CAND1: variants seen among roughly 807,000 people sequenced by gnomAD.
The protein encoded by CAND1 is cullin-associated NEDD8-dissociated protein 1.
CAND1 carries 7 observed loss-of-function variants against 108.5 expected under a neutral mutation model. That is an observed-to-expected ratio of 0.06 (90% confidence interval 0.04 to 0.12). The LOEUF is 0.12. Ranked by LOEUF, CAND1 falls within the 10% of genes least tolerant of loss-of-function variation. The pLI is 1.00. For synonymous variants in CAND1, 534 were observed against 512.0 expected, an observed-to-expected ratio of 1.04 and a Z score of -0.58; for missense variants, 941 against 1,448.7, an observed-to-expected ratio of 0.65 and a Z score of 5.69.
Position 67,307,472 on chromosome 12 carries a change from C to T in CAND1, c.3005C>T (p.Pro1002Leu). The T allele has an allele frequency of 6.2e-7, 1 of 1,608,386 alleles. No individual in the cohort carries two copies. The highest frequency in any genetic ancestry group is 8.5e-7 in the Non-Finnish European group (1 of 1,176,434). ...TISDHPQPID[P>L]LLKNCIGDFL... ...TCTGACCATCCACAACCTATTGATC[C>T]ACTGTTAAAGAACTGCATAGGTAAG... Residue 1002 changes from proline to leucine, a missense_variant, in exon 11 of 15, where the codon CCA becomes CTA. Transcript: ENST00000545606.
At chr12:67,279,236 A>G (rs1290092146) in intron 1 of CAND1, among the ~76,000 whole-genome samples, 2 of 151,772 alleles carry the variant, frequency 1.3e-5, no homozygotes, top group African/African-American at 4.8e-5. Context: ...ACCCCTGTTC[A>G]TCCTTTGAGA....
chr12:67,275,234 A>G (rs2044557701), intron 1 of CAND1, among the ~76,000 whole-genome samples: 1 of 152,108 alleles, frequency 6.6e-6, no homozygotes, highest in African/African-American at 2.4e-5. Flanking sequence ...TATTAAGACT[A>G]TTCCAATTTA....
Position 67,314,789 on chromosome 12 carries a change from T to C in CAND1, c.*1959T>C, listed in dbSNP as rs2044991752. The C allele has an allele frequency of 6.6e-6, 1 of 152,242 alleles. No homozygotes were observed. Among genetic ancestry groups the C allele is most frequent in the South Asian group, 2.1e-4 (1 of 4,836 alleles). The allele number at this position is 152,242 out of a possible 1,614,324, so 9.4% of individuals were successfully genotyped here. A position where few individuals can be genotyped will look rare whatever the true frequency, so the allele number is the denominator to read the frequency against. On this transcript the variant is annotated 3_prime_UTR_variant, in exon 15 of 15. Transcript: ENST00000545606. ...TTAAGCCAATTCATTTTTCTAACAG[T>C]TGAAATTCTTTTAGTACTAAAGAAA...
At chr12:67,312,494 C>T (rs1313213726) in intron 14 of CAND1, 112 bp from the exon 15 acceptor site, 1 of 576,180 alleles carries the variant, frequency 1.7e-6, no homozygotes, top group African/African-American at 1.9e-5. Flanking sequence ...ATGTAATATG[C>T]CTTATGGACC....
chr12:67,294,012 G>C (rs1658780), intron 3 of CAND1, among the ~76,000 whole-genome samples: 113,232 of 152,068 alleles, frequency 0.74, 43,105 homozygotes, highest in African/African-American at 0.9. Flanking sequence ...TCTTTTAATC[G>C]AAAAAGGATG....
At chr12:67,296,105 C>G (rs1465820662) in intron 4 of CAND1, among the ~76,000 whole-genome samples, 1 of 151,880 alleles carries the variant, frequency 6.6e-6, no homozygotes, top group Non-Finnish European at 1.5e-5. Flanking sequence ...AGTAGGAAAT[C>G]ATTCTGATAG....
chr12:67,283,429 A>G (rs184341699), intron 2 of CAND1, among the ~76,000 whole-genome samples: 83 of 152,200 alleles, frequency 5.5e-4, no homozygotes, highest in African/African-American at 1.9e-3. Context: ...ACTAAAATAC[A>G]AAAATTAGCC....
rs755034334 is a variant in CAND1, at chr12:67,298,981, A to G, written c.886A>G (p.Thr296Ala). 5 of 1,537,062 alleles carry G rather than the reference A, an allele frequency of 3.3e-6. No individual in the cohort carries two copies. Among genetic ancestry groups the G allele is most frequent in the Non-Finnish European group, 4.5e-6 (5 of 1,112,018 alleles). The stretch of plus-strand genomic sequence containing the variant: ...TAAGGAAGTATATCCTCATGTTTCT[A>G]CCATTATAAATATTTGTCTTAAATA... ...CPKEVYPHVS[T>A]IINICLKYLT... Residue 296 changes from threonine (T) to alanine (A), a missense_variant, in exon 7 of 15, where the codon ACC becomes GCC. Transcript: ENST00000545606.
chr12:67,271,940 TAGTG>T (rs756648084), intron 1 of CAND1, among the ~76,000 whole-genome samples: 17 of 152,234 alleles, frequency 1.1e-4, no homozygotes, highest in East Asian at 3.8e-4. Context: ...AATAATTAAT[TAGTG>T]AGCGTTTGGA....
chr12:67,306,263 C>G lies in CAND1; in HGVS notation c.2595C>G (p.Phe865Leu). The G allele has an allele frequency of 6.2e-7, 1 of 1,614,008 alleles. No individual in the cohort carries two copies. The highest frequency in any genetic ancestry group is 8.5e-7 in the Non-Finnish European group (1 of 1,179,872). Residue 865 changes from phenylalanine to leucine, a missense_variant, in exon 10 of 15, where the codon TTC (phenylalanine) becomes TTG (leucine). Physicochemically the swap from Phe to Leu is conservative, Grantham distance 22. Transcript: ENST00000545606. ...LELKSVILEA[F>L]SSPSEEVKSA... ...TAAAATCTGTAATACTAGAAGCTTT[C>G]TCATCTCCTAGTGAAGAAGTCAAAT...
At chr12:67,280,374 A>G (rs997252314) in intron 1 of CAND1, among the ~76,000 whole-genome samples, 2 of 152,206 alleles carry the variant, frequency 1.3e-5, no homozygotes, top group Non-Finnish European at 2.9e-5. Context: ...TGTTTTGCCA[A>G]CCTTTACCAC....
intron 1 of CAND1, 62 bp from the exon 2 acceptor site, chr12:67,281,848 C>G: frequency 1.6e-6 from 2 of 1,217,200 alleles, no homozygotes; most frequent in Non-Finnish European, 2.3e-6. Context: ...TTTGAAAAAT[C>G]ATTATCTTTT....
At chr12:67,290,201 TC>T (rs2044709742) in intron 2 of CAND1, among the ~76,000 whole-genome samples, 1 of 152,224 alleles carries the variant, frequency 6.6e-6, no homozygotes, top group South Asian at 2.1e-4. Context: ...GCTTTTCTTT[TC>T]TCACTATCTC....
At position 67,269,558 on chromosome 12, in the gene CAND1, C is replaced by T. The variant is rs1323105781; in HGVS notation, c.-160C>T. The T allele has an allele frequency of 5.0e-6, 3 of 596,576 alleles. No homozygotes were observed. The highest frequency in any genetic ancestry group is 8.6e-6 in the Non-Finnish European group (3 of 348,900). 37.0% of individuals were successfully genotyped at this position (596,576 alleles called of 1,614,324 possible). A position where few individuals can be genotyped will look rare whatever the true frequency, so the allele number is the denominator to read the frequency against. On this transcript the variant is annotated 5_prime_UTR_variant, in exon 1 of 15. Coordinates refer to ENST00000545606, the MANE Select transcript of CAND1 (RefSeq NM_018448.5). ...ACGCCTCGCCAGGGAGGGGGCAGCC[C>T]GTCGAGGCGCCTCCCTAGTCAGCGT...
Position 67,307,419 on chromosome 12 carries a change from A to G in CAND1, c.2952A>G (p.Ser984=), listed in dbSNP as rs762414178. Residue 984 remains serine, a synonymous_variant, in exon 11 of 15, where the codon TCA becomes TCG. Transcript: ENST00000545606. The part of the protein sequence containing the change: ...LISGSSYARS[S]VVTAVKFTIS... ...TAGGCTCATCATATGCCCGAAGCTC[A>G]GTGGTTACGGCTGTGAAATTTACAA... The G allele has an allele frequency of 6.2e-7, 1 of 1,611,492 alleles. No individual in the cohort carries two copies. The highest frequency in any genetic ancestry group is 1.1e-5 in the South Asian group (1 of 90,668).
In CAND1 at chr12:67,312,842, C is replaced by A. The variant is rs2044966710; in HGVS notation, c.*12C>A. 1.1e-5 allele frequency: 16 copies of A among 1,515,734 alleles called. No homozygotes were observed. The highest frequency in any genetic ancestry group is 1.5e-5 in the Non-Finnish European group (16 of 1,097,358). The allele number at this position is 1,515,734 out of a possible 1,614,324, so 93.9% of individuals were successfully genotyped here. On this transcript the variant is annotated 3_prime_UTR_variant, in exon 15 of 15. Coordinates refer to ENST00000545606, the MANE Select transcript of CAND1 (RefSeq NM_018448.5). ...TGGACACTAGTTAGATGTTTGTTCA[C>A]CATGGGGACCATTACATATGACCAT...
intron 2 of CAND1, among the ~76,000 whole-genome samples, chr12:67,292,406 C>A (rs943234566): frequency 1.3e-5 from 2 of 152,134 alleles, no homozygotes; most frequent in Non-Finnish European, 2.9e-5. Context: ...TTTCATGATA[C>A]TAGGATGGAA....
At chr12:67,308,359 T>G (rs993335320) in intron 11 of CAND1, among the ~76,000 whole-genome samples, 1 of 152,096 alleles carries the variant, frequency 6.6e-6, no homozygotes, top group Non-Finnish European at 1.5e-5. Context: ...TAGAAATTAT[T>G]TAAAGTCTAT....
chr12:67,278,188 G>T (rs2044587489), intron 1 of CAND1, among the ~76,000 whole-genome samples: 1 of 152,062 alleles, frequency 6.6e-6, no homozygotes, highest in Non-Finnish European at 1.5e-5. Flanking sequence ...TCAGGCTGGG[G>T]TGCAGTGACG....
Sources: allele counts gnomAD v4.1 joint callset (sites outside exome capture counted in the v4.1 genomes callset), GRCh38; gene constraint gnomAD v4.1.1; transcripts MANE v1.5; gene names NCBI Gene and HGNC (gene_info 2026-07-23, HGNC 2026-07-21).